The following XPA variants were observed in gnomAD, a reference collection of about 807,000 sequenced individuals.
XPA encodes the protein XPA, DNA damage recognition and repair factor.
XPA carries 27 observed loss-of-function variants against 35.7 expected under a neutral mutation model. The ratio of observed to expected loss-of-function variants is 0.76; its 90% CI spans 0.56 to 1.04. XPA has a LOEUF of 1.04. Among genes scored for constraint, XPA ranks in the 50% least tolerant of loss-of-function variants. The pLI is 0.00. For missense variants in XPA, 354 were observed against 342.7 expected (o/e 1.03, Z -0.26); for synonymous variants, 133 against 118.4 (o/e 1.12, Z -0.80).
chr9:97,666,721 C>T, the XPA span: 2 of 1,280,940 alleles, frequency 1.6e-6, no homozygotes, highest in Non-Finnish European at 2.2e-6. Context: ...TTTCTGTAAC[C>T]ATAGCTTGAC....
At chr9:97,668,910 G>A in the XPA span, 5 of 1,612,706 alleles carry the variant, frequency 3.1e-6, no homozygotes, top group South Asian at 1.1e-5. Context: ...CAAATAGAAC[G>A]ACTTCAGGAA....
At chr9:97,669,612 C>T in the XPA span, 1 of 1,610,378 alleles carries the variant, frequency 6.2e-7, no homozygotes, top group Non-Finnish European at 8.5e-7. Context: ...ATGATCTTGA[C>T]CGAGCACCTA....
chr9:97,655,081 T>C, the XPA span: 1 of 612,146 alleles, frequency 1.6e-6, no homozygotes. Flanking sequence ...CTTTGTATAA[T>C]AACCAGACTC....
the XPA span, chr9:97,658,568 C>A: frequency 8.8e-7 from 1 of 1,141,402 alleles, no homozygotes; most frequent in Non-Finnish European, 1.3e-6. Flanking sequence ...CATGACTTTC[C>A]AGGTAAGTCG....
the XPA span, among the ~76,000 whole-genome samples, chr9:97,664,149 C>T: frequency 3.9e-5 from 6 of 152,084 alleles, no homozygotes; most frequent in East Asian, 1.9e-4. Flanking sequence ...ACTCCACTCC[C>T]GCCTAGGTGA....
At chr9:97,658,902 C>T in the XPA span, among the ~76,000 whole-genome samples, 2 of 152,052 alleles carry the variant, frequency 1.3e-5, no homozygotes, top group Non-Finnish European at 2.9e-5. Context: ...TTTTATTTGC[C>T]CTGTCATCAT....
At chr9:97,671,427 C>T, downstream of XPA, 2 of 432,808 alleles carry the variant, frequency 4.6e-6, no homozygotes, top group Non-Finnish European at 4.1e-6. Context: ...ATATATGTGA[C>T]AGATACAAAT....
At chr9:97,660,327 C>T in the XPA span, among the ~76,000 whole-genome samples, 14 of 152,246 alleles carry the variant, frequency 9.2e-5, no homozygotes, top group South Asian at 2.1e-4. Flanking sequence ...TGATGCCTTA[C>T]GGTGTATATT....
At chr9:97,694,409 C>G (rs1828982999) in intron 1 of XPA, among the ~76,000 whole-genome samples, 1 of 152,192 alleles carries the variant, frequency 6.6e-6, no homozygotes, top group African/African-American at 2.4e-5. Context: ...ATAATAAAAT[C>G]CTCTAAGTCA....
At chr9:97,696,229 G>A (rs964002461) in intron 1 of XPA, among the ~76,000 whole-genome samples, 2 of 152,160 alleles carry the variant, frequency 1.3e-5, no homozygotes, top group African/African-American at 4.8e-5. Flanking sequence ...AACTGTGCTC[G>A]ACAAAGGGCA....
downstream of XPA, chr9:97,672,410 T>C (rs1414488519): frequency 6.6e-6 from 1 of 152,222 alleles, no homozygotes; most frequent in Non-Finnish European, 1.5e-5. Flanking sequence ...CTACAGAATG[T>C]AGTCTGCTTA....
the XPA span, among the ~76,000 whole-genome samples, chr9:97,668,246 T>C: frequency 6.6e-6 from 1 of 152,190 alleles, no homozygotes; most frequent in Non-Finnish European, 1.5e-5. Context: ...TTTTTCTCTG[T>C]AAAATGGAAA....
chr9:97,674,078 C>G (rs978671986), downstream of XPA, among the ~76,000 whole-genome samples: 1 of 152,098 alleles, frequency 6.6e-6, no homozygotes, highest in Non-Finnish European at 1.5e-5. Context: ...AATTTACCCA[C>G]GGTCCACAGC....
At chr9:97,665,600 C>G in the XPA span, among the ~76,000 whole-genome samples, 1 of 152,196 alleles carries the variant, frequency 6.6e-6, no homozygotes, top group Non-Finnish European at 1.5e-5. Flanking sequence ...GTGCTCTGCT[C>G]TTTTGTCCTG....
chr9:97,689,332 C>T (rs1168048204), intron 3 of XPA, among the ~76,000 whole-genome samples: 1 of 152,128 alleles, frequency 6.6e-6, no homozygotes. Flanking sequence ...GGCATCCTTC[C>T]TATTTTATGG....
At chr9:97,686,970 A>C (rs1828736651) in intron 4 of XPA, 126 bp downstream of exon 4, 3 of 882,664 alleles carry the variant, frequency 3.4e-6, no homozygotes, top group Non-Finnish European at 5.3e-6. Flanking sequence ...CATGACTGTG[A>C]AGCATATGCA....
chr9:97,678,533 CAG>C (rs1328560363), intron 5 of XPA, among the ~76,000 whole-genome samples: 6 of 152,102 alleles, frequency 3.9e-5, no homozygotes, highest in African/African-American at 9.7e-5. Flanking sequence ...TGGAGAAAAA[CAG>C]AAATTAATGA....
the XPA span, among the ~76,000 whole-genome samples, chr9:97,667,747 T>C: frequency 6.6e-6 from 1 of 152,232 alleles, no homozygotes; most frequent in Admixed American, 6.5e-5. Context: ...ACTATTTTAG[T>C]TAAATACAAT....
chr9:97,678,225 A>T (rs1434976246), intron 5 of XPA, among the ~76,000 whole-genome samples: 1 of 151,996 alleles, frequency 6.6e-6, no homozygotes, highest in Non-Finnish European at 1.5e-5. Flanking sequence ...ATATGGTGAA[A>T]CCCCATCTCT....
Sources: allele counts gnomAD v4.1 joint callset (sites outside exome capture counted in the v4.1 genomes callset), GRCh38; gene constraint gnomAD v4.1.1; transcripts MANE v1.5; gene names NCBI Gene and HGNC (gene_info 2026-07-23, HGNC 2026-07-21).